NFAT5: variants seen among roughly 807,000 people sequenced by gnomAD.
NFAT5 encodes nuclear factor of activated T-cells 5.
NFAT5 carries 31 observed loss-of-function variants against 166.5 expected under a neutral mutation model. The ratio of observed to expected loss-of-function variants is 0.19; its 90% CI spans 0.14 to 0.25. The LOEUF (loss-of-function observed/expected upper bound fraction) is 0.25, where lower values mean the gene tolerates loss of function less well. Ranked by LOEUF, NFAT5 falls within the 10% of genes least tolerant of loss-of-function variation. The probability of loss-of-function intolerance (pLI) is 1.00; values close to 1 mark genes in which losing one functional copy is unlikely to be tolerated. For missense variants in NFAT5, 1,449 were observed against 1,821.8 expected, an observed-to-expected ratio of 0.80 and a Z score of 3.72; for synonymous variants, 612 against 639.7, an observed-to-expected ratio of 0.96 and a Z score of 0.65.
At chr16:69,597,979 A>G (rs1224760192) in intron 2 of NFAT5, among the ~76,000 whole-genome samples, 2 of 152,220 alleles carry the variant, frequency 1.3e-5, no homozygotes, top group Non-Finnish European at 2.9e-5. Context: ...AGAAGATGTT[A>G]GGGAAAAGCA....
chr16:69,651,688 G>A (rs911195166), intron 4 of NFAT5, among the ~76,000 whole-genome samples: 22 of 78,816 alleles, frequency 2.8e-4, no homozygotes, highest in Non-Finnish European at 4.6e-4. Context: ...TTTTTTTTTT[G>A]AGACGGAGTT....
intron 1 of NFAT5, 62 bp from the exon 2 acceptor site, chr16:69,568,433 A>C (rs1597324868): frequency 1.5e-6 from 2 of 1,309,002 alleles, no homozygotes; most frequent in Non-Finnish European, 2.2e-6. Context: ...GATGTATGCT[A>C]TCCTTGGCAT....
At position 69,699,624 on chromosome 16, in the gene NFAT5, C is replaced by G. The variant is rs1597586156; in HGVS notation, c.*3273C>G. 2.0e-5 allele frequency: 3 copies of G among 152,708 alleles called. No homozygotes were observed. In the South Asian group the frequency reaches 6.2e-4, roughly 32 times the overall value. 9.5% of individuals were successfully genotyped at this position (152,708 alleles called of 1,614,324 possible). A position where few individuals can be genotyped will look rare whatever the true frequency, so the allele number is the denominator to read the frequency against. On this transcript the variant is annotated 3_prime_UTR_variant, in exon 15 of 15. Transcript: ENST00000349945. ...TGCTAATAATGCAATTTCCTGATTA[C>G]TGTTACAAGTTATAGCTACATATGG...
At chr16:69,618,138 A>G (rs535530330) in intron 2 of NFAT5, among the ~76,000 whole-genome samples, 3 of 150,990 alleles carry the variant, frequency 2.0e-5, no homozygotes, top group Admixed American at 1.3e-4. Context: ...AGCCTGGGCA[A>G]CAACAGCGAA....
At chr16:69,679,541 G>A (rs1002250818) in intron 10 of NFAT5, among the ~76,000 whole-genome samples, 8 of 151,920 alleles carry the variant, frequency 5.3e-5, no homozygotes, top group Admixed American at 1.3e-4. Context: ...CTTGAACCCG[G>A]GAGGTGGAGG....
intron 10 of NFAT5, among the ~76,000 whole-genome samples, chr16:69,679,612 C>T (rs1370718667): frequency 6.6e-6 from 1 of 151,692 alleles, no homozygotes; most frequent in Non-Finnish European, 1.5e-5. Context: ...GAGACTTTGT[C>T]AATAAATAAA....
chr16:69,592,691 C>T (rs1229305684), intron 2 of NFAT5, among the ~76,000 whole-genome samples: 1 of 152,140 alleles, frequency 6.6e-6, no homozygotes, highest in African/African-American at 2.4e-5. Flanking sequence ...CCCCTCAATT[C>T]ATGCTTCTGA....
rs1184516308 is a variant in NFAT5, at chr16:69,693,221, T to C, written c.3396T>C (p.Pro1132=). 4.3e-6 allele frequency: 7 copies of C among 1,614,180 alleles called. No homozygotes were observed. The Admixed American group carries it at 5.0e-5, about 12-fold the overall frequency. Residue 1132 remains proline, a synonymous_variant, in exon 13 of 15, where the codon CCT becomes CCC. Coordinates refer to ENST00000349945, the MANE Select transcript of NFAT5 (RefSeq NM_138713.4). The stretch of plus-strand genomic sequence containing the variant: ...CAACCTCCTCTGAACAAATGCAGCC[T>C]CCAATGTTTCACTCTCAAAGTACCA... The part of the protein sequence containing the change: ...TSTTSSEQMQ[P]PMFHSQSTIA...
At chr16:69,674,325 G>GT (rs1043732515) in intron 9 of NFAT5, among the ~76,000 whole-genome samples, 8 of 149,770 alleles carry the variant, frequency 5.3e-5, no homozygotes, top group African/African-American at 2.0e-4. Flanking sequence ...TTGTTCAATT[G>GT]TTTTCTGGTC....
At chr16:69,605,870 C>T (rs1011490032) in intron 2 of NFAT5, among the ~76,000 whole-genome samples, 1 of 152,098 alleles carries the variant, frequency 6.6e-6, no homozygotes, top group African/African-American at 2.4e-5. Context: ...CCCGCCACTG[C>T]ACCTGGCTAA....
chr16:69,588,038 T>A (rs960608186), intron 2 of NFAT5, among the ~76,000 whole-genome samples: 1 of 142,928 alleles, frequency 7.0e-6, no homozygotes, highest in Non-Finnish European at 1.5e-5. Context: ...CTGCAACCTC[T>A]GCCTCCCAGG....
chr16:69,596,003 G>A (rs1184060164), intron 2 of NFAT5, among the ~76,000 whole-genome samples: 4 of 152,166 alleles, frequency 2.6e-5, no homozygotes, highest in African/African-American at 9.7e-5. Context: ...ACTTAGAATG[G>A]TGTTGTATTT....
chr16:69,664,820 G>C lies in NFAT5; in HGVS notation c.1369+4921G>C, dbSNP rs553901960. ...AGGTGGGCCCATTACCTGAGGTCAG[G>C]AGATTGAGACCAGCCTGAGCAACAT... On this transcript the variant is annotated intron_variant, in intron 7 of 14. Coordinates refer to ENST00000349945, the MANE Select transcript of NFAT5 (RefSeq NM_138713.4). Among the ~76,000 whole-genome samples, 338 of 152,192 alleles carry C rather than the reference G, an allele frequency of 2.2e-3. 2 individuals are homozygous for C. Among genetic ancestry groups the C allele is most frequent in the South Asian group, 5.8e-3 (28 of 4,806 alleles).
intron 2 of NFAT5, among the ~76,000 whole-genome samples, chr16:69,577,948 G>A (rs1488998780): frequency 2.0e-5 from 3 of 151,618 alleles, no homozygotes; most frequent in East Asian, 3.9e-4. Flanking sequence ...AGCAGAGATC[G>A]TGCCACTGCC....
intron 2 of NFAT5, among the ~76,000 whole-genome samples, chr16:69,572,713 GATAAAT>G (rs1354709433): frequency 6.6e-6 from 1 of 151,940 alleles, no homozygotes; most frequent in Admixed American, 6.5e-5. Flanking sequence ...TGGAAAAATA[GATAAAT>G]ATAAACAATA....
chr16:69,695,566 G>A lies in NFAT5; in HGVS notation c.*8+187G>A, dbSNP rs185270951. On this transcript the variant is annotated intron_variant, in intron 14 of 14. Transcript: ENST00000349945. ...TCATATAGTTAATACAGACCAGGCCGGGCGTGGTGGCTCATGCCTGTAATC... is the reference window on the plus strand; with the variant it reads ...TCATATAGTTAATACAGACCAGGCCAGGCGTGGTGGCTCATGCCTGTAATC... 4.4e-5 allele frequency: 24 copies of A among 544,758 alleles called. No individual in the cohort carries two copies. In the East Asian group the frequency reaches 4.6e-4, roughly 11 times the overall value. 33.7% of individuals were successfully genotyped at this position (544,758 alleles called of 1,614,324 possible).
At chr16:69,592,648 T>C (rs1030950809) in intron 2 of NFAT5, among the ~76,000 whole-genome samples, 4 of 152,218 alleles carry the variant, frequency 2.6e-5, no homozygotes, top group East Asian at 3.8e-4. Context: ...TTAATACTTA[T>C]GAAATTGATA....
At chr16:69,673,930 G>A (rs907651615) in intron 9 of NFAT5, among the ~76,000 whole-genome samples, 2 of 151,922 alleles carry the variant, frequency 1.3e-5, no homozygotes, top group Non-Finnish European at 2.9e-5. Flanking sequence ...AATTCATCAG[G>A]TATTACACTT....
intron 2 of NFAT5, among the ~76,000 whole-genome samples, chr16:69,598,209 C>A (rs1457278354): frequency 6.6e-6 from 1 of 150,934 alleles, no homozygotes; most frequent in Non-Finnish European, 1.5e-5. Context: ...CATAACGAGA[C>A]CCTGTCTATA....
Sources: allele counts gnomAD v4.1 joint callset (sites outside exome capture counted in the v4.1 genomes callset), GRCh38; gene constraint gnomAD v4.1.1; transcripts MANE v1.5; gene names NCBI Gene and HGNC (gene_info 2026-07-23, HGNC 2026-07-21).